ITPR1: variants seen among roughly 807,000 people sequenced by gnomAD.
ITPR1 encodes inositol 1,4,5-trisphosphate receptor type 1.
In ITPR1, 96 loss-of-function variants were observed where a neutral mutation model predicts 318.4. The ratio of observed to expected loss-of-function variants is 0.30; its 90% CI spans 0.26 to 0.36. ITPR1 has a LOEUF of 0.36. ITPR1 is among the 10% of genes least tolerant of loss of function. The pLI is 1.00. For missense variants in ITPR1, 2,440 were observed against 3,460.2 expected, an observed-to-expected ratio of 0.71 and a Z score of 7.40; for synonymous variants, 1,312 against 1,289.9, an observed-to-expected ratio of 1.02 and a Z score of -0.37.
At position 4,800,540 on chromosome 3, in the gene ITPR1, T is replaced by C; in HGVS notation, c.7047T>C (p.Ile2349=). 6.2e-7 allele frequency: 1 copy of C among 1,614,064 alleles called. No homozygotes were observed. The highest frequency in any genetic ancestry group is 8.5e-7 in the Non-Finnish European group (1 of 1,179,902). ...HGIRALIAST[I]LRLIFSVGLQ... is the part of the protein sequence containing the mutation. The stretch of plus-strand genomic sequence containing the variant: ...TCCGGGCCTTAATTGCCTCCACAAT[T>C]CTACGACTGATATTTTCAGTCGGGT... The change falls in exon 54 of 62, where the codon ATT becomes ATC. Residue 2349 remains isoleucine (I), a synonymous_variant. Transcript: ENST00000649015.
At position 4,674,193 on chromosome 3, in the gene ITPR1, T is replaced by G. The variant is rs767258798; in HGVS notation, c.2457-9T>G. ...AATTTTGTTTCCTTTCTTTCTCCTTTCTTTTCAGCTATGATAGTAGTGGAG... is the reference window on the plus strand; with the variant it reads ...AATTTTGTTTCCTTTCTTTCTCCTTGCTTTTCAGCTATGATAGTAGTGGAG... On this transcript the variant is annotated splice_polypyrimidine_tract_variant and intron_variant, in intron 21 of 61. Transcript: ENST00000649015. The G allele has an allele frequency of 6.5e-7, 1 of 1,532,822 alleles. No individual in the cohort carries two copies. Among genetic ancestry groups the G allele is most frequent in the South Asian group, 1.3e-5 (1 of 79,168 alleles). 95.0% of individuals were successfully genotyped at this position (1,532,822 alleles called of 1,614,324 possible).
chr3:4,780,285 C>G (rs2046743828), intron 49 of ITPR1, among the ~76,000 whole-genome samples: 1 of 152,196 alleles, frequency 6.6e-6, no homozygotes, highest in African/African-American at 2.4e-5. Context: ...TGAGCCATAT[C>G]TTTGTCCAGT....
intron 2 of ITPR1, among the ~76,000 whole-genome samples, chr3:4,499,847 G>T (rs1458467216): frequency 6.6e-6 from 1 of 152,040 alleles, no homozygotes; most frequent in Non-Finnish European, 1.5e-5. Context: ...ATGTTGCCTC[G>T]GCTGGCCTTG....
intron 26 of ITPR1, among the ~76,000 whole-genome samples, chr3:4,682,143 A>G (rs559564495): frequency 9.2e-5 from 14 of 152,334 alleles, no homozygotes; most frequent in African/African-American, 3.1e-4. Flanking sequence ...ATTAAGCTGG[A>G]TGGTTCTTCT....
intron 4 of ITPR1, among the ~76,000 whole-genome samples, chr3:4,552,613 A>C (rs1408059115): frequency 1.3e-5 from 2 of 152,162 alleles, no homozygotes; most frequent in Non-Finnish European, 2.9e-5. Context: ...GTCTGCCTCC[A>C]CATGTTCAGT....
chr3:4,500,808 A>G (rs746345207), intron 2 of ITPR1, among the ~76,000 whole-genome samples: 2 of 152,116 alleles, frequency 1.3e-5, no homozygotes, highest in Non-Finnish European at 2.9e-5. Flanking sequence ...ACTCTGTGGA[A>G]ACCCACTAAG....
chr3:4,818,357 C>G, intron 60 of ITPR1, 115 bp downstream of exon 60: 1 of 792,178 alleles, frequency 1.3e-6, no homozygotes, highest in East Asian at 2.7e-5. Flanking sequence ...CCGATGTTGC[C>G]TGAGCCCTTC....
At chr3:4,646,135 G>T (rs2093450497) in intron 10 of ITPR1, 1 of 185,418 alleles carries the variant, frequency 5.4e-6, no homozygotes, top group Admixed American at 5.4e-5. Context: ...TATTTAACCA[G>T]GTGTCTACCT....
intron 44 of ITPR1, among the ~76,000 whole-genome samples, chr3:4,739,050 C>T (rs901104865): frequency 6.6e-6 from 1 of 152,194 alleles, no homozygotes; most frequent in Non-Finnish European, 1.5e-5. Context: ...CCCCTTGGCC[C>T]CAAGCTTCTC....
intron 20 of ITPR1, among the ~76,000 whole-genome samples, chr3:4,672,238 T>A (rs2094103272): frequency 6.6e-6 from 1 of 152,248 alleles, no homozygotes; most frequent in South Asian, 2.1e-4. Context: ...AAATTGGATG[T>A]GTCAGTGTAC....
At chr3:4,499,855 T>G (rs1421348884) in intron 2 of ITPR1, among the ~76,000 whole-genome samples, 1 of 152,218 alleles carries the variant, frequency 6.6e-6, no homozygotes, top group African/African-American at 2.4e-5. Flanking sequence ...TCGGCTGGCC[T>G]TGGACTCCTG....
chr3:4,495,616 CT>C (rs1285237021), intron 2 of ITPR1, among the ~76,000 whole-genome samples: 1 of 152,192 alleles, frequency 6.6e-6, no homozygotes, highest in Non-Finnish European at 1.5e-5. Context: ...TCCACAGACT[CT>C]TTTCTAACTG....
At chr3:4,733,887 G>T (rs1314483687) in intron 43 of ITPR1, among the ~76,000 whole-genome samples, 1 of 152,202 alleles carries the variant, frequency 6.6e-6, no homozygotes. Context: ...ACAAAAACAT[G>T]GAACTCAAAG....
At chr3:4,694,247 C>T (rs58705601) in intron 33 of ITPR1, among the ~76,000 whole-genome samples, 428 of 149,414 alleles carry the variant, frequency 2.9e-3, no homozygotes, top group African/African-American at 0.01. Context: ...TTTTCCTACT[C>T]ATAGATTATA....
At chr3:4,833,914 CAG>C (rs768526595) in intron 60 of ITPR1, among the ~76,000 whole-genome samples, 4 of 152,180 alleles carry the variant, frequency 2.6e-5, no homozygotes, top group Non-Finnish European at 5.9e-5. Flanking sequence ...TATTTGTTTT[CAG>C]AGAGTCTTTC....
chr3:4,777,092 T>G (rs543971615), intron 47 of ITPR1, among the ~76,000 whole-genome samples, 172 bp from the exon 48 acceptor site: 86 of 152,336 alleles, frequency 5.6e-4, no homozygotes, highest in Non-Finnish European at 9.7e-4. Flanking sequence ...AACTAGAGAT[T>G]TTCATCTGTC....
At chr3:4,601,533 C>A (rs2091286378) in intron 4 of ITPR1, among the ~76,000 whole-genome samples, 1 of 151,134 alleles carries the variant, frequency 6.6e-6, no homozygotes, top group Non-Finnish European at 1.5e-5. Flanking sequence ...ACACCTACCT[C>A]ACACTGTATG....
chr3:4,788,821 G>C (rs1559898402), intron 52 of ITPR1, among the ~76,000 whole-genome samples: 1 of 152,188 alleles, frequency 6.6e-6, no homozygotes, highest in African/African-American at 2.4e-5. Context: ...GATCGTGCTT[G>C]ATTTCTATCT....
chr3:4,498,742 A>G (rs970617173), intron 2 of ITPR1, among the ~76,000 whole-genome samples: 59 of 152,240 alleles, frequency 3.9e-4, no homozygotes, highest in African/African-American at 1.3e-3. Context: ...CAAATAGGTG[A>G]ACGTACAGTT....
Sources: allele counts gnomAD v4.1 joint callset (sites outside exome capture counted in the v4.1 genomes callset), GRCh38; gene constraint gnomAD v4.1.1; transcripts MANE v1.5; gene names NCBI Gene and HGNC (gene_info 2026-07-23, HGNC 2026-07-21).